The following PCDHB16 variants were observed in gnomAD, a reference collection of about 807,000 sequenced individuals.
PCDHB16 encodes the protein protocadherin beta-16.
For missense variants in PCDHB16, 1,026 were observed against 989.9 expected, an observed-to-expected ratio of 1.04 and a Z score of -0.49; for synonymous variants, 444 against 436.5, an observed-to-expected ratio of 1.02 and a Z score of -0.21.
In PCDHB16 at chr5:141,183,873, A is replaced by G. The variant is rs782379094; in HGVS notation, c.1314A>G (p.Thr438=). ...GGCTGAAAACGGAGCACAACATAAC[A>G]GTGCAGATATCAGATGTCAATGATA... ...TPRLKTEHNI[T]VQISDVNDNA... The change falls in exon 1 of 1, where the codon ACA becomes ACG. Residue 438 remains threonine, a synonymous_variant. Transcript: ENST00000609684. The G allele has an allele frequency of 1.2e-6, 2 of 1,614,198 alleles. No homozygotes were observed. Among genetic ancestry groups the G allele is most frequent in the South Asian group, 1.1e-5 (1 of 91,076 alleles).
Position 141,183,005 on chromosome 5 carries a change from G to T in PCDHB16, c.446G>T (p.Gly149Val), listed in dbSNP as rs781824078. 5 of 1,614,068 alleles carry T rather than the reference G, an allele frequency of 3.1e-6. No homozygotes were observed. Among genetic ancestry groups the T allele is most frequent in the African/African-American group, 1.3e-5 (1 of 74,924 alleles). The change falls in exon 1 of 1, where the codon GGA (glycine) becomes GTA (valine). Residue 149 changes from glycine to valine, a missense_variant. By Grantham distance (109) the Gly-to-Val change is moderately radical. Coordinates refer to ENST00000609684, the MANE Select transcript of PCDHB16 (RefSeq NM_020957.4). ...ILKIPENSPL[G>V]TEFPLNHALD... ...AAAATACCGGAAAACAGTCCTCTAG[G>T]AACTGAGTTCCCTCTGAATCATGCT... is the stretch of plus-strand genomic sequence containing the variant.
Position 141,183,066 on chromosome 5 carries a change from C to T in PCDHB16, c.507C>T (p.Asn169=). 3 of 1,614,196 alleles carry T rather than the reference C, an allele frequency of 1.9e-6. No homozygotes were observed. Among genetic ancestry groups the T allele is most frequent in the Non-Finnish European group, 2.5e-6 (3 of 1,180,044 alleles). Residue 169 remains asparagine (N), a synonymous_variant, in exon 1 of 1, where the codon AAC becomes AAT. Coordinates refer to ENST00000609684, the MANE Select transcript of PCDHB16 (RefSeq NM_020957.4). ...ACGTAGGAAGCAATAATGTTCAAAACTATAAAATCAGCCCAAGCTCTCATT... is the reference window on the plus strand; with the variant it reads ...ACGTAGGAAGCAATAATGTTCAAAATTATAAAATCAGCCCAAGCTCTCATT... The part of the protein sequence containing the change: ...DLDVGSNNVQ[N]YKISPSSHFR...
rs782720287 is a variant in PCDHB16 at position 141,183,900 on chromosome 5, C to A, written c.1341C>A (p.Asn447Lys). The A allele has an allele frequency of 2.3e-5, 37 of 1,614,018 alleles. No individual in the cohort carries two copies. The highest frequency in any genetic ancestry group is 3.0e-5 in the Non-Finnish European group (35 of 1,180,018). The part of the protein sequence containing the change: ...ITVQISDVND[N>K]APTFTQTSYT... ...TGCAGATATCAGATGTCAATGATAA[C>A]GCCCCCACTTTCACCCAAACCTCCT... Residue 447 changes from asparagine to lysine, a missense_variant, in exon 1 of 1, where the codon AAC becomes AAA. By Grantham distance (94) the Asn-to-Lys change is moderately conservative (BLOSUM62 0). Transcript: ENST00000609684.
chr5:141,185,896 A>G lies in PCDHB16; in HGVS notation c.*1006A>G, dbSNP rs1301030314. On this transcript the variant is annotated 3_prime_UTR_variant, in exon 1 of 1. Coordinates refer to ENST00000609684, the MANE Select transcript of PCDHB16 (RefSeq NM_020957.4). ...ATTGTAAGACATTCAGTATGTGTAA[A>G]TGTGTTTGTGTTTGTAGACAAAAGG... The G allele has an allele frequency of 1.0e-6, 1 of 988,020 alleles. No individual in the cohort carries two copies. The highest frequency in any genetic ancestry group is 1.8e-5 in the African/African-American group (1 of 56,944). The allele number at this position is 988,020 out of a possible 1,614,324, so 61.2% of individuals were successfully genotyped here. A position where few individuals can be genotyped will look rare whatever the true frequency, so the allele number is the denominator to read the frequency against.
Position 141,183,735 on chromosome 5 carries a change from T to A in PCDHB16, c.1176T>A (p.Leu392=). The A allele has an allele frequency of 6.2e-7, 1 of 1,614,168 alleles. No homozygotes were observed. The highest frequency in any genetic ancestry group is 8.5e-7 in the Non-Finnish European group (1 of 1,180,030). ...CCATCCAGGAAGACCTTCCCTTTCTTCTAAAACCTTCAGTCAAGAACTTTT... is the reference window on the plus strand; with the variant it reads ...CCATCCAGGAAGACCTTCCCTTTCTACTAAAACCTTCAGTCAAGAACTTTT... ...ISSIQEDLPF[L]LKPSVKNFYT... Residue 392 remains leucine, a synonymous_variant, in exon 1 of 1, where the codon CTT becomes CTA. Coordinates refer to ENST00000609684, the MANE Select transcript of PCDHB16 (RefSeq NM_020957.4).
chr5:141,185,901 T>C lies in PCDHB16; in HGVS notation c.*1011T>C. ...AAGACATTCAGTATGTGTAAATGTG[T>C]TTGTGTTTGTAGACAAAAGGCAAAG... is the stretch of plus-strand genomic sequence containing the variant. On this transcript the variant is annotated 3_prime_UTR_variant, in exon 1 of 1. Transcript: ENST00000609684. 1 of 984,778 alleles carries C rather than the reference T, an allele frequency of 1.0e-6. No individual in the cohort carries two copies. Among genetic ancestry groups the C allele is most frequent in the Non-Finnish European group, 1.2e-6 (1 of 815,918 alleles). The allele number at this position is 984,778 out of a possible 1,614,324, so 61.0% of individuals were successfully genotyped here.
Position 141,184,523 on chromosome 5 carries a change from C to T in PCDHB16, c.1964C>T (p.Thr655Ile), listed in dbSNP as rs781911255. The T allele has an allele frequency of 6.2e-7, 1 of 1,609,964 alleles. No homozygotes were observed. The highest frequency in any genetic ancestry group is 1.1e-5 in the South Asian group (1 of 90,988). ...AATGGCGAGCCTCCGCGCTCGGCCA[C>T]CGCCACGCTGCACGTGCTCCTGGTG... is the stretch of plus-strand genomic sequence containing the variant. Reference protein sequence around the residue: ...KDNGEPPRSATATLHVLLVDG... With the variant: ...KDNGEPPRSAIATLHVLLVDG... Residue 655 changes from threonine (T) to isoleucine (I), a missense_variant, in exon 1 of 1, where the codon ACC (threonine) becomes ATC (isoleucine). Physicochemically the swap from Thr to Ile is moderately conservative, Grantham distance 89 (BLOSUM62 -1). Coordinates refer to ENST00000609684, the MANE Select transcript of PCDHB16 (RefSeq NM_020957.4).
In PCDHB16 at chr5:141,185,753, T is replaced by TA. The variant is rs1303081317; in HGVS notation, c.*872dup. The stretch of plus-strand genomic sequence containing the variant: ...AGATGGAGTCTCGTAAAGTTACCTT[T>TA]AAAAAAAAAGTTCTATTTTCCCTGT... On this transcript the variant is annotated 3_prime_UTR_variant, in exon 1 of 1. Coordinates refer to ENST00000609684, the MANE Select transcript of PCDHB16 (RefSeq NM_020957.4). 56 of 988,892 alleles carry TA rather than the reference T, an allele frequency of 5.7e-5. No homozygotes were observed. Among genetic ancestry groups the TA allele is most frequent in the African/African-American group, 1.2e-4 (7 of 56,792 alleles). The allele number at this position is 988,892 out of a possible 1,614,324, so 61.3% of individuals were successfully genotyped here. A position where few individuals can be genotyped will look rare whatever the true frequency, so the allele number is the denominator to read the frequency against.
chr5:141,185,045 CTGAT>C lies in PCDHB16; in HGVS notation c.*158_*161del. On this transcript the variant is annotated 3_prime_UTR_variant, in exon 1 of 1. Transcript: ENST00000609684. ...ACCACCACCAATAAGGTATTTTTCT[CTGAT>C]TGTTAGTTCAAATTATATTGTTAAT... 6.9e-7 allele frequency: 1 copy of C among 1,445,686 alleles called. No homozygotes were observed. The highest frequency in any genetic ancestry group is 9.1e-7 in the Non-Finnish European group (1 of 1,098,262). 89.6% of individuals were successfully genotyped at this position (1,445,686 alleles called of 1,614,324 possible). A position where few individuals can be genotyped will look rare whatever the true frequency, so the allele number is the denominator to read the frequency against.
In PCDHB16 at chr5:141,183,123, C is replaced by T. The variant is rs782073122; in HGVS notation, c.564C>T (p.Gly188=). 1 of 1,613,962 alleles carries T rather than the reference C, an allele frequency of 6.2e-7. No homozygotes were observed. The highest frequency in any genetic ancestry group is 1.3e-5 in the African/African-American group (1 of 74,918). The change falls in exon 1 of 1, where the codon GGC becomes GGT. Residue 188 remains glycine (G), a synonymous_variant. Coordinates refer to ENST00000609684, the MANE Select transcript of PCDHB16 (RefSeq NM_020957.4). ...FRVLIHEFRD[G]RKYPELVLDK... ...TTCTAATCCATGAATTCAGAGATGGCAGGAAATACCCTGAGCTAGTGTTGG... is the reference window on the plus strand; with the variant it reads ...TTCTAATCCATGAATTCAGAGATGGTAGGAAATACCCTGAGCTAGTGTTGG...
chr5:141,183,927 C>T lies in PCDHB16; in HGVS notation c.1368C>T (p.Tyr456=), dbSNP rs782270967. 3.1e-6 allele frequency: 5 copies of T among 1,614,060 alleles called. No homozygotes were observed. The Admixed American group carries it at 8.3e-5, about 27-fold the overall frequency. The part of the protein sequence containing the change: ...DNAPTFTQTS[Y]TLFVRENNSP... The stretch of plus-strand genomic sequence containing the variant: ...CCCCCACTTTCACCCAAACCTCCTA[C>T]ACCCTGTTCGTCCGCGAGAACAACA... Residue 456 remains tyrosine, a synonymous_variant, in exon 1 of 1, where the codon TAC becomes TAT. Coordinates refer to ENST00000609684, the MANE Select transcript of PCDHB16 (RefSeq NM_020957.4).
At position 141,186,131 on chromosome 5, in the gene PCDHB16, T is replaced by A; in HGVS notation, c.*1241T>A. 2 of 997,582 alleles carry A rather than the reference T, an allele frequency of 2.0e-6. No homozygotes were observed. The highest frequency in any genetic ancestry group is 4.7e-5 in the South Asian group (1 of 21,210). 61.8% of individuals were successfully genotyped at this position (997,582 alleles called of 1,614,324 possible). The stretch of plus-strand genomic sequence containing the variant: ...TAGCCCTTTCTCTGTAAAATATCCC[T>A]ATGTTTAATCTGTATTTCTTGCTTA... On this transcript the variant is annotated 3_prime_UTR_variant, in exon 1 of 1. Transcript: ENST00000609684.
In PCDHB16 at chr5:141,182,686, TC is replaced by T. The variant is rs1753594415; in HGVS notation, c.128del (p.Ser43PhefsTer6). 6.2e-7 allele frequency: 1 copy of T among 1,610,096 alleles called. No homozygotes were observed. Among genetic ancestry groups the T allele is most frequent in the Admixed American group, 1.7e-5 (1 of 59,494 alleles). On this transcript the variant is annotated frameshift_variant, in exon 1 of 1. Coordinates refer to ENST00000609684, the MANE Select transcript of PCDHB16 (RefSeq NM_020957.4). LOFTEE classifies it low-confidence loss of function (END_TRUNC). The part of the protein sequence containing the change: ...YSVVEETERG[S>X]FVANLGKDLG... ...CGTAGTGGAAGAAACGGAGAGAGGCTCTTTTGTGGCAAATCTAGGAAAAGAC... is the reference window on the plus strand; with the variant it reads ...CGTAGTGGAAGAAACGGAGAGAGGCTTTTTGTGGCAAATCTAGGAAAAGAC...
rs1272144633 is a variant in PCDHB16 at position 141,185,622 on chromosome 5, T to G, written c.*732T>G. 1.6e-6 allele frequency: 1 copy of G among 644,154 alleles called. No homozygotes were observed. Among genetic ancestry groups the G allele is most frequent in the African/African-American group, 2.0e-5 (1 of 50,290 alleles). 39.9% of individuals were successfully genotyped at this position (644,154 alleles called of 1,614,324 possible). A position where few individuals can be genotyped will look rare whatever the true frequency, so the allele number is the denominator to read the frequency against. The stretch of plus-strand genomic sequence containing the variant: ...TTTGCCAAGTTGCCCAGGCTGATCT[T>G]GAACTCCTGGGCTCAAGCCATCCTC... On this transcript the variant is annotated 3_prime_UTR_variant, in exon 1 of 1. Transcript: ENST00000609684.
rs540771106 is a variant in PCDHB16, at chr5:141,182,435, G to C, written c.-125G>C. 9.2e-6 allele frequency: 7 copies of C among 757,172 alleles called. No individual in the cohort carries two copies. Among genetic ancestry groups the C allele is most frequent in the Non-Finnish European group, 1.4e-5 (7 of 496,674 alleles). 46.9% of individuals were successfully genotyped at this position (757,172 alleles called of 1,614,324 possible). On this transcript the variant is annotated 5_prime_UTR_variant, in exon 1 of 1. Coordinates refer to ENST00000609684, the MANE Select transcript of PCDHB16 (RefSeq NM_020957.4). ...AGAATAGCTGAGCCAGAGCGAACGT[G>C]AGTGTGAAACCTCTTTAAGACACCG...
At position 141,185,093 on chromosome 5, in the gene PCDHB16, C is replaced by T. The variant is rs1430314796; in HGVS notation, c.*203C>T. 7 of 1,404,706 alleles carry T rather than the reference C, an allele frequency of 5.0e-6. No homozygotes were observed. Among genetic ancestry groups the T allele is most frequent in the Non-Finnish European group, 6.5e-6 (7 of 1,077,334 alleles). The allele number at this position is 1,404,706 out of a possible 1,614,324, so 87.0% of individuals were successfully genotyped here. A position where few individuals can be genotyped will look rare whatever the true frequency, so the allele number is the denominator to read the frequency against. The stretch of plus-strand genomic sequence containing the variant: ...TGTTAATTCCAGTTTCCCTTTTCCT[C>T]ATATTTACCCCGAAGAGGTGTTGCA... On this transcript the variant is annotated 3_prime_UTR_variant, in exon 1 of 1. Coordinates refer to ENST00000609684, the MANE Select transcript of PCDHB16 (RefSeq NM_020957.4).
chr5:141,184,978 T>G lies in PCDHB16; in HGVS notation c.*88T>G. On this transcript the variant is annotated 3_prime_UTR_variant, in exon 1 of 1. Transcript: ENST00000609684. ...ATAGGAACCCATTTGATAAATTCCT[T>G]AACTTCTTATGATTGTCTTGTTGAT... is the stretch of plus-strand genomic sequence containing the variant. 6.6e-7 allele frequency: 1 copy of G among 1,520,798 alleles called. No individual in the cohort carries two copies. Among genetic ancestry groups the G allele is most frequent in the Non-Finnish European group, 8.8e-7 (1 of 1,136,242 alleles). The allele number at this position is 1,520,798 out of a possible 1,614,324, so 94.2% of individuals were successfully genotyped here.
Position 141,184,217 on chromosome 5 carries a change from A to G in PCDHB16, c.1658A>G (p.Asp553Gly). ...GCGCTGGTGCGCGTGCTGGTGCTGG[A>G]CGCCAACGACAACTCGCCCTTCGTG... ...REALVRVLVL[D>G]ANDNSPFVLY... Residue 553 changes from aspartate (D) to glycine (G), a missense_variant, in exon 1 of 1, where the codon GAC becomes GGC. By Grantham distance (94) the Asp-to-Gly change is moderately conservative. Transcript: ENST00000609684. The G allele has an allele frequency of 6.4e-7, 1 of 1,559,458 alleles. No individual in the cohort carries two copies. The highest frequency in any genetic ancestry group is 2.3e-5 in the East Asian group (1 of 43,720).
In PCDHB16 at chr5:141,183,266, A is replaced by G. The variant is rs370965829; in HGVS notation, c.707A>G (p.Asn236Ser). Residue 236 changes from asparagine (N) to serine (S), a missense_variant, in exon 1 of 1, where the codon AAT (asparagine) becomes AGT (serine). By Grantham distance (46) the Asn-to-Ser change is conservative. Transcript: ENST00000609684. ...AQVRIEVVDI[N>S]DNAPEFEQPI... ...GTCCGTATTGAAGTGGTGGACATCAATGATAACGCTCCTGAGTTTGAGCAG... is the reference window on the plus strand; with the variant it reads ...GTCCGTATTGAAGTGGTGGACATCAGTGATAACGCTCCTGAGTTTGAGCAG... 2.5e-5 allele frequency: 41 copies of G among 1,614,182 alleles called. No individual in the cohort carries two copies. The South Asian group carries it at 3.0e-4, about 12-fold the overall frequency.
Sources: allele counts gnomAD v4.1 joint callset, GRCh38; gene constraint gnomAD v4.1.1; transcripts MANE v1.5; gene names NCBI Gene and HGNC (gene_info 2026-07-23, HGNC 2026-07-21).